The following HIRA variants were observed in gnomAD, a reference collection of about 807,000 sequenced individuals.
HIRA encodes histone cell cycle regulator, also known as protein HIRA.
Under a neutral mutation model 126.6 loss-of-function variants are expected in HIRA, and 13 were observed. The ratio of observed to expected loss-of-function variants is 0.10; its 90% CI spans 0.07 to 0.16. The LOEUF is 0.16. Among genes scored for constraint, HIRA ranks in the 10% least tolerant of loss-of-function variants. HIRA has a pLI of 1.00. For synonymous variants in HIRA, 511 were observed against 520.0 expected (o/e 0.98, Z 0.24); for missense variants, 834 against 1,314.4 (o/e 0.63, Z 5.65).
At position 19,361,852 on chromosome 22, in the gene HIRA, G is replaced by C. The variant is rs770832155; in HGVS notation, c.1855C>G (p.Pro619Ala). Residue 619 changes from proline (P) to alanine (A), a missense_variant, in exon 16 of 25, where the codon CCT becomes GCT. Pro to Ala is a conservative substitution (Grantham distance 27, BLOSUM62 -1). Coordinates refer to ENST00000263208, the MANE Select transcript of HIRA (RefSeq NM_003325.4). ...GACAGTGAGGAAGCCTTAGCCAAAGGGACTTTCTCATCGCTGTCACTGCTG... is the reference window on the plus strand; with the variant it reads ...GACAGTGAGGAAGCCTTAGCCAAAGCGACTTTCTCATCGCTGTCACTGCTG... ...ESSSDSDEKVPLAKASSLSKR... is the reference protein window; with the variant it reads ...ESSSDSDEKVALAKASSLSKR... 3 of 1,614,148 alleles carry C rather than the reference G, an allele frequency of 1.9e-6. No homozygotes were observed. Among genetic ancestry groups the C allele is most frequent in the African/African-American group, 1.3e-5 (1 of 75,032 alleles).
rs931498236 is a variant in HIRA, at chr22:19,341,109, A to C, written c.2938-9553T>G. ...GGTAGGCAGATCACTTGAGCCCAGGAGTTCGAAACCAGTCTGGGCAACATG... is the reference window on the plus strand; with the variant it reads ...GGTAGGCAGATCACTTGAGCCCAGGCGTTCGAAACCAGTCTGGGCAACATG... On this transcript the variant is annotated intron_variant, in intron 24 of 24. Transcript: ENST00000263208. Among the ~76,000 whole-genome samples the C allele has an allele frequency of 2.0e-5, 3 of 152,164 alleles. No homozygotes were observed. In the South Asian group the frequency reaches 6.2e-4, roughly 32 times the overall value.
chr22:19,331,137 GTGCTGGAGACGGCAGGCCTGGGACTGCCT>G lies in HIRA; in HGVS notation c.*274_*302del. 1 of 1,318,324 alleles carries G rather than the reference GTGCTGGAGACGGCAGGCCTGGGACTGCCT, an allele frequency of 7.6e-7. No homozygotes were observed. 81.7% of individuals were successfully genotyped at this position (1,318,324 alleles called of 1,614,324 possible). A position where few individuals can be genotyped will look rare whatever the true frequency, so the allele number is the denominator to read the frequency against. On this transcript the variant is annotated 3_prime_UTR_variant, in exon 25 of 25. Coordinates refer to ENST00000263208, the MANE Select transcript of HIRA (RefSeq NM_003325.4). ...AGGGGCTAGTGTCCACCTTGGGGCC[GTGCTGGAGACGGCAGGCCTGGGACTGCCT>G]TGCTGGCCCCAGGGCACCTGGGCAG...
At chr22:19,333,690 T>C (rs1382486213) in intron 24 of HIRA, among the ~76,000 whole-genome samples, 1 of 152,172 alleles carries the variant, frequency 6.6e-6, no homozygotes, top group African/African-American at 2.4e-5. Flanking sequence ...TTTCTCTCTC[T>C]TACACTTCTA....
At chr22:19,406,026 G>A (rs1569309301) in intron 4 of HIRA, 146 bp from the exon 5 acceptor site, 1 of 431,162 alleles carries the variant, frequency 2.3e-6, no homozygotes, top group Admixed American at 4.4e-5. Flanking sequence ...AATAAAAGGG[G>A]CTGGTTAGGT....
At chr22:19,403,478 G>A (rs1311729716) in intron 5 of HIRA, among the ~76,000 whole-genome samples, 1 of 152,056 alleles carries the variant, frequency 6.6e-6, no homozygotes, top group Non-Finnish European at 1.5e-5. Context: ...CGGGTGTGGT[G>A]GCACGTGCCT....
At chr22:19,406,770 G>A (rs1162381969) in intron 4 of HIRA, among the ~76,000 whole-genome samples, 1 of 152,214 alleles carries the variant, frequency 6.6e-6, no homozygotes, top group African/African-American at 2.4e-5. Flanking sequence ...GGCTGCCCCA[G>A]GTGGGGACCA....
chr22:19,367,432 T>C lies in HIRA; in HGVS notation c.1776-5501A>G, dbSNP rs553645031. Among the ~76,000 whole-genome samples the C allele has an allele frequency of 1.2e-4, 19 of 152,080 alleles. No individual in the cohort carries two copies. The South Asian group carries it at 3.9e-3, about 32-fold the overall frequency. Reference sequence around the variant, plus strand: ...CTCAGGCTGGAATGCAGTGGTGTGATCTTGGATCACTGCAACCTCTGCCTC... The same window carrying C: ...CTCAGGCTGGAATGCAGTGGTGTGACCTTGGATCACTGCAACCTCTGCCTC... On this transcript the variant is annotated intron_variant, in intron 15 of 24. Coordinates refer to ENST00000263208, the MANE Select transcript of HIRA (RefSeq NM_003325.4).
At chr22:19,425,333 C>A (rs1272562477) in intron 1 of HIRA, among the ~76,000 whole-genome samples, 1 of 152,214 alleles carries the variant, frequency 6.6e-6, no homozygotes, top group East Asian at 1.9e-4. Context: ...GTCCCCAGGG[C>A]TCATTCCATA....
In HIRA at chr22:19,407,092, C is replaced by A. The variant is rs1601850363; in HGVS notation, c.302+92G>T. 45 of 1,036,204 alleles carry A rather than the reference C, an allele frequency of 4.3e-5. No homozygotes were observed. In the South Asian group the frequency reaches 5.2e-4, roughly 12 times the overall value. 64.2% of individuals were successfully genotyped at this position (1,036,204 alleles called of 1,614,324 possible). ...ACTTATGAGGTCAGGGCTATGGGAA[C>A]TTCAGTGACAGGGTAGGGAAAGGTG... On this transcript the variant is annotated intron_variant, in intron 4 of 24. Transcript: ENST00000263208.
At chr22:19,354,239 C>G in intron 21 of HIRA, 121 bp from the exon 22 acceptor site, 1 of 1,000,482 alleles carries the variant, frequency 1.0e-6, no homozygotes, top group Non-Finnish European at 1.4e-6. Flanking sequence ...ACACAGAAAG[C>G]CAGTAGAGGC....
intron 7 of HIRA, among the ~76,000 whole-genome samples, 171 bp from the exon 8 acceptor site, chr22:19,394,680 A>G (rs2089208567): frequency 6.6e-6 from 1 of 152,190 alleles, no homozygotes; most frequent in Non-Finnish European, 1.5e-5. Context: ...CCAACCAAAA[A>G]GGGCTCTGTG....
rs1569294134 is a variant in HIRA, at chr22:19,357,065, G to GT, written c.2235-15dup. On this transcript the variant is annotated splice_polypyrimidine_tract_variant and intron_variant, in intron 18 of 24. Coordinates refer to ENST00000263208, the MANE Select transcript of HIRA (RefSeq NM_003325.4). ...CACACCACGTCACTGAGAAGGCAGAGTGGGGGCAGGTGTCATGGGGGCTGA... is the reference window on the plus strand; with the variant it reads ...CACACCACGTCACTGAGAAGGCAGAGTTGGGGGCAGGTGTCATGGGGGCTGA... The GT allele has an allele frequency of 7.4e-6, 12 of 1,613,490 alleles. No homozygotes were observed. The highest frequency in any genetic ancestry group is 1.0e-5 in the Non-Finnish European group (12 of 1,179,764).
At chr22:19,430,665 A>T (rs531739476) in intron 1 of HIRA, among the ~76,000 whole-genome samples, 1 of 151,906 alleles carries the variant, frequency 6.6e-6, no homozygotes, top group Non-Finnish European at 1.5e-5. Flanking sequence ...CGCTTTTTTC[A>T]TCTACCCGGG....
intron 24 of HIRA, among the ~76,000 whole-genome samples, chr22:19,350,018 C>T (rs2088737532): frequency 2.0e-5 from 3 of 150,614 alleles, no homozygotes; most frequent in Admixed American, 1.3e-4. Context: ...GACGGAGTCT[C>T]GCTCTATTGC....
At chr22:19,415,069 C>T (rs2089385187) in intron 1 of HIRA, among the ~76,000 whole-genome samples, 1 of 152,076 alleles carries the variant, frequency 6.6e-6, no homozygotes. Context: ...CCTCAGCCTC[C>T]CGAGTAGCTG....
intron 7 of HIRA, 93 bp from the exon 8 acceptor site, chr22:19,394,602 A>C: frequency 7.8e-7 from 1 of 1,284,388 alleles, no homozygotes; most frequent in Non-Finnish European, 1.1e-6. Context: ...CAATTTATAA[A>C]TGTGTGATGG....
chr22:19,387,981 G>A (rs1438745683), intron 10 of HIRA, among the ~76,000 whole-genome samples, 165 bp from the exon 11 acceptor site: 1 of 140,850 alleles, frequency 7.1e-6, no homozygotes, highest in East Asian at 2.4e-4. Flanking sequence ...GCGGGGGGGG[G>A]AGGGGGCGAC....
At chr22:19,359,289 T>G (rs765125977) in intron 18 of HIRA, 47 bp downstream of exon 18, 6 of 1,489,090 alleles carry the variant, frequency 4.0e-6, no homozygotes, top group Non-Finnish European at 2.7e-6. Context: ...AATGATGGCA[T>G]GTGTGCCTGT....
intron 15 of HIRA, among the ~76,000 whole-genome samples, chr22:19,375,071 G>C (rs559097274): frequency 6.6e-6 from 1 of 152,334 alleles, no homozygotes; most frequent in South Asian, 2.1e-4. Flanking sequence ...AAAACTCCAA[G>C]AAATAAAGAA....
Sources: allele counts gnomAD v4.1 joint callset (sites outside exome capture counted in the v4.1 genomes callset), GRCh38; gene constraint gnomAD v4.1.1; transcripts MANE v1.5; gene names NCBI Gene and HGNC (gene_info 2026-07-23, HGNC 2026-07-21).